Variants in RYR2 observed in about 807,000 individuals in gnomAD.
RYR2 encodes the protein ryanodine receptor 2, also known as cardiac muscle ryanodine receptor-calcium release channel.
In RYR2, 227 loss-of-function variants were observed where a neutral mutation model predicts 601.1. The ratio of observed to expected loss-of-function variants is 0.38; its 90% confidence interval spans 0.34 to 0.42. The LOEUF (loss-of-function observed/expected upper bound fraction) is 0.42, where lower values mean the gene tolerates loss of function less well. Ranked by LOEUF, RYR2 falls within the 10% of genes least tolerant of loss-of-function variation. The pLI, the probability that RYR2 is intolerant of heterozygous loss-of-function variation, is 1.00. For synonymous variants in RYR2, 2,223 were observed against 2,175.1 expected (o/e 1.02, Z -0.61); for missense variants, 4,646 against 6,156.5 (o/e 0.75, Z 8.21).
intron 27 of RYR2, among the ~76,000 whole-genome samples, chr1:237,556,467 A>T (rs1670894121): frequency 7.2e-6 from 1 of 139,600 alleles, no homozygotes; most frequent in African/African-American, 2.6e-5. Context: ...GGCCCGGCTA[A>T]TTTTTTTTTT....
chr1:237,506,495 G>A (rs565300848), intron 22 of RYR2, among the ~76,000 whole-genome samples: 9 of 150,838 alleles, frequency 6.0e-5, no homozygotes, highest in African/African-American at 9.8e-5. Context: ...CAGAGATCGC[G>A]CCACTGCACT....
At chr1:237,736,980 A>G (rs1436807748) in intron 79 of RYR2, among the ~76,000 whole-genome samples, 1 of 151,898 alleles carries the variant, frequency 6.6e-6, no homozygotes, top group Non-Finnish European at 1.5e-5. Flanking sequence ...GAAATGAAGA[A>G]AGAGGGAGGT....
chr1:237,783,846 A>G lies in RYR2; in HGVS notation c.12134A>G (p.Lys4045Arg), dbSNP rs1288818112. 1 of 1,613,800 alleles carries G rather than the reference A, an allele frequency of 6.2e-7. No individual in the cohort carries two copies. Among genetic ancestry groups the G allele is most frequent in the Non-Finnish European group, 8.5e-7 (1 of 1,179,872 alleles). The change falls in exon 90 of 105, where the codon AAG becomes AGG. Residue 4045 changes from lysine (K) to arginine (R), a missense_variant. Lys to Arg is a conservative substitution (Grantham distance 26, BLOSUM62 2). Transcript: ENST00000366574. ...CCCGATGGCAAGGGAGTCATTTCCA[A>G]GAGGGACTTCCACAAAGCGATGGAG... ...YDPDGKGVIS[K>R]RDFHKAMESH...
At position 237,783,829 on chromosome 1, in the gene RYR2, C is replaced by T; in HGVS notation, c.12117C>T (p.Gly4039=). 6.2e-7 allele frequency: 1 copy of T among 1,613,782 alleles called. No individual in the cohort carries two copies. The highest frequency in any genetic ancestry group is 2.2e-5 in the East Asian group (1 of 44,844). ...SDTFKEYDPD[G]KGVISKRDFH... is the part of the protein sequence containing the mutation. Reference sequence around the variant, plus strand: ...CTTTTAAAGAATATGACCCCGATGGCAAGGGAGTCATTTCCAAGAGGGACT... The same window carrying T: ...CTTTTAAAGAATATGACCCCGATGGTAAGGGAGTCATTTCCAAGAGGGACT... The change falls in exon 90 of 105, where the codon GGC becomes GGT. Residue 4039 remains glycine, a synonymous_variant. Transcript: ENST00000366574.
In RYR2 at chr1:237,719,760, C is replaced by T. The variant is rs560581588; in HGVS notation, c.10554+1239C>T. 6.0e-4 allele frequency among the ~76,000 whole-genome samples: 91 copies of T among 151,678 alleles called. 1 individual carries two copies. In the South Asian group the frequency reaches 0.014, roughly 23 times the overall value. ...GATCAACTCAGCTCCCACCAGGTCCCGTCTCCAACACTGAGGATTACATTT... is the reference window on the plus strand; with the variant it reads ...GATCAACTCAGCTCCCACCAGGTCCTGTCTCCAACACTGAGGATTACATTT... On this transcript the variant is annotated intron_variant, in intron 73 of 104. Coordinates refer to ENST00000366574, the MANE Select transcript of RYR2 (RefSeq NM_001035.3).
chr1:237,129,619 T>C (rs1482118228), intron 1 of RYR2, among the ~76,000 whole-genome samples: 1 of 151,364 alleles, frequency 6.6e-6, no homozygotes, highest in African/African-American at 2.4e-5. Context: ...GGGTAAAGTA[T>C]GAGATATATA....
At chr1:237,087,834 TTG>T (rs1165272870) in intron 1 of RYR2, among the ~76,000 whole-genome samples, 1 of 152,158 alleles carries the variant, frequency 6.6e-6, no homozygotes, top group Admixed American at 6.5e-5. Flanking sequence ...CCATTTAATT[TTG>T]TGTGATTTTC....
At chr1:237,795,011 A>G (rs1658937362) in intron 95 of RYR2, among the ~76,000 whole-genome samples, 2 of 152,240 alleles carry the variant, frequency 1.3e-5, no homozygotes. Flanking sequence ...TTATAAACAA[A>G]TAAATATAAC....
chr1:237,623,052 A>G (rs1169973253), intron 38 of RYR2, among the ~76,000 whole-genome samples: 2 of 152,214 alleles, frequency 1.3e-5, no homozygotes, highest in Non-Finnish European at 2.9e-5. Flanking sequence ...TATTCAATGA[A>G]TGTTCAATAG....
At position 237,455,029 on chromosome 1, in the gene RYR2, G is replaced by A. The variant is rs537514578; in HGVS notation, c.1476+455G>A. On this transcript the variant is annotated intron_variant, in intron 15 of 104. Coordinates refer to ENST00000366574, the MANE Select transcript of RYR2 (RefSeq NM_001035.3). The stretch of plus-strand genomic sequence containing the variant: ...TGGAAGCTGTCAGGAGAGGGCTACC[G>A]GAGTAGGCTGAGCTCCAGGAACCCT... 2.6e-5 allele frequency among the ~76,000 whole-genome samples: 4 copies of A among 152,070 alleles called. No individual in the cohort carries two copies. The South Asian group carries it at 8.3e-4, about 32-fold the overall frequency.
chr1:237,611,300 G>T (rs907887788), intron 36 of RYR2, among the ~76,000 whole-genome samples: 1 of 152,074 alleles, frequency 6.6e-6, no homozygotes, highest in African/African-American at 2.4e-5. Context: ...ACTGCAATCC[G>T]ACTTATGACT....
At chr1:237,329,089 G>T (rs2149558783) in intron 2 of RYR2, among the ~76,000 whole-genome samples, 1 of 152,122 alleles carries the variant, frequency 6.6e-6, no homozygotes, top group African/African-American at 2.4e-5. Context: ...TATTTATTAT[G>T]ATTTATTGGA....
intron 66 of RYR2, among the ~76,000 whole-genome samples, chr1:237,704,051 G>A (rs1224451052): frequency 6.6e-6 from 1 of 152,056 alleles, no homozygotes; most frequent in Non-Finnish European, 1.5e-5. Context: ...CAAGGTAGTC[G>A]AGAATGTGTC....
At chr1:237,192,361 C>G (rs950749025) in intron 1 of RYR2, among the ~76,000 whole-genome samples, 6 of 151,994 alleles carry the variant, frequency 3.9e-5, no homozygotes, top group African/African-American at 1.5e-4. Flanking sequence ...GGCACTCGCC[C>G]ACCACGCCCG....
At chr1:237,302,486 A>C (rs1451365339) in intron 2 of RYR2, among the ~76,000 whole-genome samples, 1 of 152,224 alleles carries the variant, frequency 6.6e-6, no homozygotes, top group East Asian at 1.9e-4. Context: ...TACAATGTCC[A>C]TTCTTATAAC....
intron 2 of RYR2, among the ~76,000 whole-genome samples, chr1:237,320,633 T>A (rs1183336169): frequency 6.6e-6 from 1 of 152,232 alleles, no homozygotes; most frequent in East Asian, 1.9e-4. Context: ...CCTGACCTAG[T>A]TGTTTAATTA....
chr1:237,830,119 C>T (rs1448305253), intron 102 of RYR2: 6 of 171,340 alleles, frequency 3.5e-5, no homozygotes, highest in South Asian at 2.7e-4. Flanking sequence ...CTTGGTCGTC[C>T]GACTTTGTTT....
intron 4 of RYR2, among the ~76,000 whole-genome samples, chr1:237,360,096 G>T (rs1341199351): frequency 1.3e-5 from 2 of 152,186 alleles, no homozygotes; most frequent in Non-Finnish European, 2.9e-5. Flanking sequence ...GTTTAAAAAT[G>T]CATTTTAACA....
At chr1:237,786,503 G>T (rs943756626) in intron 91 of RYR2, among the ~76,000 whole-genome samples, 1 of 152,234 alleles carries the variant, frequency 6.6e-6, no homozygotes, top group Non-Finnish European at 1.5e-5. Flanking sequence ...CCCCGGGAGA[G>T]TTGGTTAAAA....
Sources: allele counts gnomAD v4.1 joint callset (sites outside exome capture counted in the v4.1 genomes callset), GRCh38; gene constraint gnomAD v4.1.1; transcripts MANE v1.5; gene names NCBI Gene and HGNC (gene_info 2026-07-23, HGNC 2026-07-21).